The following KCNIP4 variants were observed in gnomAD, a reference collection of about 807,000 sequenced individuals.
KCNIP4 encodes the protein Kv channel-interacting protein 4.
A neutral mutation model predicts 34.0 loss-of-function variants in KCNIP4; 12 were observed. The ratio of observed to expected loss-of-function variants is 0.35; its 90% CI spans 0.23 to 0.57. The LOEUF (loss-of-function observed/expected upper bound fraction) is 0.57, where lower values mean the gene tolerates loss of function less well. Among genes scored for constraint, KCNIP4 ranks in the 20% least tolerant of loss-of-function variants. The pLI, the probability that KCNIP4 is intolerant of heterozygous loss-of-function variation, is 0.83. For synonymous variants in KCNIP4, 124 were observed against 102.2 expected (o/e 1.21, Z -1.29); for missense variants, 238 against 311.7 (o/e 0.76, Z 1.78).
chr4:21,331,712 C>T (rs917025366), intron 1 of KCNIP4, among the ~76,000 whole-genome samples: 5 of 144,244 alleles, frequency 3.5e-5, no homozygotes, highest in Non-Finnish European at 7.6e-5. Context: ...TCTCTTCTAC[C>T]TTGTTTTTCT....
chr4:21,725,354 C>T (rs1343898027), intron 1 of KCNIP4, among the ~76,000 whole-genome samples: 1 of 152,094 alleles, frequency 6.6e-6, no homozygotes, highest in Non-Finnish European at 1.5e-5. Flanking sequence ...AATTGGATAC[C>T]TCAGATGTAC....
intron 1 of KCNIP4, among the ~76,000 whole-genome samples, chr4:20,914,353 G>A (rs1728608282): frequency 6.6e-6 from 1 of 152,082 alleles, no homozygotes; most frequent in East Asian, 1.9e-4. Flanking sequence ...ATTAGGTCAT[G>A]AGGATGGAGT....
intron 1 of KCNIP4, among the ~76,000 whole-genome samples, chr4:21,100,375 A>C (rs143987125): frequency 2.3e-4 from 35 of 151,980 alleles, no homozygotes; most frequent in Non-Finnish European, 4.4e-4. Flanking sequence ...ACATGGTGAA[A>C]CTCTGTCTCT....
intron 1 of KCNIP4, among the ~76,000 whole-genome samples, chr4:21,944,323 C>T (rs1730370782): frequency 1.3e-5 from 2 of 151,808 alleles, no homozygotes; most frequent in Non-Finnish European, 1.5e-5. Flanking sequence ...GCAGGAGGAT[C>T]ACTTGAGGTC....
At chr4:21,129,946 T>G (rs938632747) in intron 1 of KCNIP4, among the ~76,000 whole-genome samples, 9 of 152,046 alleles carry the variant, frequency 5.9e-5, no homozygotes, top group Non-Finnish European at 1.2e-4. Flanking sequence ...ACTCAAAGAC[T>G]TCTTACATAC....
intron 1 of KCNIP4, among the ~76,000 whole-genome samples, chr4:21,291,819 A>T (rs1038032571): frequency 6.8e-6 from 1 of 147,294 alleles, no homozygotes; most frequent in Non-Finnish European, 1.5e-5. Context: ...GCGCCGCTGC[A>T]CTCCAGCCTG....
rs116050183 is a variant in KCNIP4, at chr4:21,470,501, T to C, written c.61+478070A>G. On this transcript the variant is annotated intron_variant, in intron 1 of 8. Coordinates refer to ENST00000382152, the MANE Select transcript of KCNIP4 (RefSeq NM_025221.6). ...TGAACTTCAGGAAAAATAGATAATG[T>C]GGTTTAGTTGTACAGGTTGTGTACA... Among the ~76,000 whole-genome samples the C allele has an allele frequency of 3.1e-3, 466 of 152,278 alleles. 1 individual carries two copies. Among genetic ancestry groups the C allele is most frequent in the African/African-American group, 0.011 (439 of 41,556 alleles).
intron 1 of KCNIP4, among the ~76,000 whole-genome samples, chr4:21,665,267 T>C (rs1478401471): frequency 6.6e-6 from 1 of 152,206 alleles, no homozygotes; most frequent in East Asian, 1.9e-4. Flanking sequence ...TCCAGGACCT[T>C]CCTCTGGGTA....
chr4:21,293,920 C>G (rs1411238955), intron 1 of KCNIP4, among the ~76,000 whole-genome samples: 1 of 152,102 alleles, frequency 6.6e-6, no homozygotes, highest in African/African-American at 2.4e-5. Flanking sequence ...ATCTGGGAGG[C>G]AGGAACACGG....
intron 1 of KCNIP4, among the ~76,000 whole-genome samples, chr4:21,860,685 T>C (rs6448097): frequency 0.73 from 110,672 of 151,782 alleles, 45,043 homozygotes; most frequent in East Asian, 0.89. Context: ...AAATCAGATA[T>C]AACATTTTGT....
At chr4:20,937,853 C>A (rs1731239024) in intron 1 of KCNIP4, among the ~76,000 whole-genome samples, 1 of 152,116 alleles carries the variant, frequency 6.6e-6, no homozygotes, top group African/African-American at 2.4e-5. Flanking sequence ...ATTATTTATG[C>A]AAATTTATAA....
At chr4:21,686,751 T>G (rs1750831076) in intron 1 of KCNIP4, among the ~76,000 whole-genome samples, 1 of 152,172 alleles carries the variant, frequency 6.6e-6, no homozygotes, top group Admixed American at 6.6e-5. Context: ...CAGATTAGAA[T>G]GAGCAGCTGA....
intron 1 of KCNIP4, among the ~76,000 whole-genome samples, chr4:20,984,255 A>G (rs1336539761): frequency 1.3e-5 from 2 of 152,198 alleles, no homozygotes; most frequent in Admixed American, 1.3e-4. Flanking sequence ...GGAGAACTGG[A>G]GACTTTGCAG....
intron 1 of KCNIP4, among the ~76,000 whole-genome samples, chr4:21,121,198 A>G (rs929793139): frequency 6.6e-6 from 1 of 152,170 alleles, no homozygotes; most frequent in Admixed American, 6.5e-5. Flanking sequence ...GGTGACTCCT[A>G]CATGAAATCA....
At chr4:21,519,800 CGTGT>C (rs1036410839) in intron 1 of KCNIP4, among the ~76,000 whole-genome samples, 22 of 113,382 alleles carry the variant, frequency 1.9e-4, no homozygotes, top group South Asian at 3.3e-4. Context: ...TGTGTATACA[CGTGT>C]GTGTATGTGT....
chr4:21,666,203 T>C (rs1748944572), intron 1 of KCNIP4, among the ~76,000 whole-genome samples: 1 of 152,338 alleles, frequency 6.6e-6, no homozygotes, highest in Middle Eastern at 3.4e-3. Context: ...GATGAAGACA[T>C]AGTGCATTAC....
At chr4:21,891,776 G>A (rs189998845) in intron 1 of KCNIP4, among the ~76,000 whole-genome samples, 6 of 152,128 alleles carry the variant, frequency 3.9e-5, no homozygotes, top group East Asian at 1.9e-4. Context: ...CTGGCTCACC[G>A]GTTTCTGAAA....
intron 3 of KCNIP4, among the ~76,000 whole-genome samples, chr4:20,808,015 T>C (rs1715293235): frequency 6.6e-6 from 1 of 152,118 alleles, no homozygotes; most frequent in Non-Finnish European, 1.5e-5. Context: ...AACTTGAGAG[T>C]ATGGGTCAGA....
chr4:21,808,007 A>C (rs1040493005), intron 1 of KCNIP4, among the ~76,000 whole-genome samples: 4 of 152,206 alleles, frequency 2.6e-5, no homozygotes, highest in Admixed American at 2.6e-4. Context: ...TAAATAAATA[A>C]ATAAAAATTG....
Sources: gnomAD v4.1 joint callset for allele counts (sites outside exome capture counted in the v4.1 genomes callset) on GRCh38, gnomAD v4.1.1 for gene constraint, MANE v1.5 for transcripts, NCBI Gene and HGNC (gene_info 2026-07-23, HGNC 2026-07-21) for gene names.